Variants in ROBO2 observed in about 807,000 individuals in gnomAD.
ROBO2 encodes the protein roundabout guidance receptor 2.
Under a neutral mutation model 160.8 loss-of-function variants are expected in ROBO2, and 53 were observed. The observed-to-expected ratio is 0.33, with a 90% CI of 0.26 to 0.41. ROBO2 has a LOEUF of 0.41. ROBO2 is among the 10% of genes least tolerant of loss of function. ROBO2 has a pLI of 1.00. For synonymous variants in ROBO2, 664 were observed against 611.7 expected (o/e 1.09, Z -1.26); for missense variants, 1,577 against 1,722.4 (o/e 0.92, Z 1.49).
intron 1 of ROBO2, among the ~76,000 whole-genome samples, chr3:77,065,136 A>G (rs1407786026): frequency 1.3e-5 from 2 of 152,188 alleles, no homozygotes; most frequent in Non-Finnish European, 2.9e-5. Context: ...AATAATCACA[A>G]TAATGTTTAG....
chr3:76,288,735 G>A (rs535096947), intron 2 of ROBO2, among the ~76,000 whole-genome samples: 5 of 152,188 alleles, frequency 3.3e-5, no homozygotes, highest in Admixed American at 6.5e-5. Context: ...GTGAGAATAC[G>A]TAAAATTTGA....
chr3:76,385,376 A>G (rs920382024), intron 2 of ROBO2, among the ~76,000 whole-genome samples: 1 of 152,204 alleles, frequency 6.6e-6, no homozygotes, highest in Non-Finnish European at 1.5e-5. Flanking sequence ...CAGTTCTCTT[A>G]TACATCTGAC....
At chr3:77,063,255 G>A (rs1335553874) in intron 1 of ROBO2, among the ~76,000 whole-genome samples, 1 of 152,192 alleles carries the variant, frequency 6.6e-6, no homozygotes, top group East Asian at 1.9e-4. Flanking sequence ...TACATGAAAT[G>A]GCTGGGAGAG....
intron 2 of ROBO2, among the ~76,000 whole-genome samples, chr3:77,360,734 C>G (rs755082291): frequency 6.6e-5 from 10 of 151,598 alleles, no homozygotes; most frequent in African/African-American, 2.4e-4. Flanking sequence ...TTTCAGGATT[C>G]CTCTCCTCTC....
intron 2 of ROBO2, among the ~76,000 whole-genome samples, chr3:77,324,650 A>G (rs969441121): frequency 6.8e-4 from 83 of 122,140 alleles, no homozygotes; most frequent in African/African-American, 2.9e-3. Context: ...TGCAGTGGTG[A>G]GCGCCTGTAG....
intron 2 of ROBO2, among the ~76,000 whole-genome samples, chr3:77,199,863 A>G (rs2082668831): frequency 6.6e-6 from 1 of 151,620 alleles, no homozygotes; most frequent in Non-Finnish European, 1.5e-5. Context: ...CCTGTGCTCA[A>G]GTGATCCTCC....
chr3:76,270,720 GAAA>G (rs754336750), intron 2 of ROBO2, among the ~76,000 whole-genome samples: 1 of 151,970 alleles, frequency 6.6e-6, no homozygotes. Flanking sequence ...AATACAAAAA[GAAA>G]GAAGGAAGGG....
chr3:77,425,196 A>G (rs566414656), intron 2 of ROBO2, among the ~76,000 whole-genome samples: 1,488 of 102,252 alleles, frequency 0.015, 15 homozygotes, highest in Middle Eastern at 0.028. Context: ...CAATGGCAAG[A>G]AAAAAAAAAA....
intron 2 of ROBO2, among the ~76,000 whole-genome samples, chr3:76,497,036 C>A (rs9878750): frequency 0.62 from 94,346 of 152,032 alleles, 29,762 homozygotes; most frequent in African/African-American, 0.73. Context: ...TAAAAGGCCA[C>A]ATCACCTTTT....
intron 2 of ROBO2, among the ~76,000 whole-genome samples, chr3:76,705,125 TG>T (rs759126509): frequency 5.9e-5 from 9 of 152,232 alleles, no homozygotes; most frequent in Non-Finnish European, 1.3e-4. Flanking sequence ...TACAGGAGAC[TG>T]GATTTGGCCC....
chr3:77,359,314 C>T (rs2069588100), intron 2 of ROBO2, among the ~76,000 whole-genome samples: 1 of 152,166 alleles, frequency 6.6e-6, no homozygotes, highest in African/African-American at 2.4e-5. Flanking sequence ...CTATCATAGA[C>T]TGTGGCTGGA....
At chr3:77,403,822 T>A (rs973410731) in intron 2 of ROBO2, among the ~76,000 whole-genome samples, 7 of 151,874 alleles carry the variant, frequency 4.6e-5, no homozygotes, top group Non-Finnish European at 8.8e-5. Flanking sequence ...TTCAATGGAG[T>A]AATAAATCAA....
chr3:77,447,082 G>A (rs1334553709), intron 2 of ROBO2, among the ~76,000 whole-genome samples: 1 of 152,068 alleles, frequency 6.6e-6, no homozygotes, highest in Non-Finnish European at 1.5e-5. Flanking sequence ...ATCAGAGTTT[G>A]ATAAAAGGAA....
chr3:76,013,487 G>T (rs932534577), intron 2 of ROBO2, among the ~76,000 whole-genome samples: 3 of 150,570 alleles, frequency 2.0e-5, no homozygotes, highest in African/African-American at 7.3e-5. Context: ...AATCCCAGAA[G>T]TAATATGCAT....
intron 2 of ROBO2, among the ~76,000 whole-genome samples, chr3:76,397,789 C>A (rs13060242): frequency 0.21 from 31,251 of 151,378 alleles, 4,037 homozygotes; most frequent in African/African-American, 0.37. Flanking sequence ...CATCTCACAC[C>A]AGTGAGAATG....
At chr3:77,284,139 C>A (rs537857425) in intron 2 of ROBO2, among the ~76,000 whole-genome samples, 25 of 152,198 alleles carry the variant, frequency 1.6e-4, no homozygotes, top group Admixed American at 1.3e-4. Context: ...CACAGTCATA[C>A]CCATTCAATT....
intron 2 of ROBO2, among the ~76,000 whole-genome samples, chr3:76,164,557 C>T (rs1445952399): frequency 1.3e-5 from 2 of 152,144 alleles, no homozygotes; most frequent in African/African-American, 4.8e-5. Flanking sequence ...ACGTTAATAT[C>T]CTTGTACATC....
At chr3:76,831,186 C>G (rs2067062515) in intron 2 of ROBO2, among the ~76,000 whole-genome samples, 1 of 152,092 alleles carries the variant, frequency 6.6e-6, no homozygotes, top group Non-Finnish European at 1.5e-5. Context: ...CATCTAGAAG[C>G]ATCCTGAGTC....
chr3:77,139,068 C>T (rs1579316257), intron 2 of ROBO2, among the ~76,000 whole-genome samples: 1 of 152,028 alleles, frequency 6.6e-6, no homozygotes, highest in African/African-American at 2.4e-5. Context: ...AGCAATCTGG[C>T]CAGTTCTAAT....
Sources: allele counts gnomAD v4.1 joint callset (sites outside exome capture counted in the v4.1 genomes callset), GRCh38; gene constraint gnomAD v4.1.1; transcripts MANE v1.5; gene names NCBI Gene and HGNC (gene_info 2026-07-23, HGNC 2026-07-21).